Variants in BCL11A observed in about 807,000 individuals in gnomAD.
The protein encoded by BCL11A is BCL11 transcription factor A.
Under a neutral mutation model 55.9 loss-of-function variants are expected in BCL11A, and 2 were observed. The ratio of observed to expected loss-of-function variants is 0.04; its 90% CI spans 0.01 to 0.11. The LOEUF is 0.11. BCL11A is among the 10% of genes least tolerant of loss of function. The pLI is 1.00. For synonymous variants in BCL11A, 465 were observed against 473.4 expected, an observed-to-expected ratio of 0.98 and a Z score of 0.23; for missense variants, 817 against 1,137.1, an observed-to-expected ratio of 0.72 and a Z score of 4.05.
At chr2:60,456,633 TAAACA>T (rs553242315), downstream of BCL11A, among the ~76,000 whole-genome samples, 355 of 152,264 alleles carry the variant, frequency 2.3e-3, 1 homozygote, top group African/African-American at 7.7e-3. Flanking sequence ...CCCTCTTTTT[TAAACA>T]AAACAAAACA....
chr2:60,486,024 C>A (rs772098189), intron 2 of BCL11A, among the ~76,000 whole-genome samples: 1 of 151,944 alleles, frequency 6.6e-6, no homozygotes, highest in African/African-American at 2.4e-5. Flanking sequence ...CAAAAAAAAT[C>A]TTTTTAGTAT....
downstream of BCL11A, among the ~76,000 whole-genome samples, chr2:60,455,994 A>G (rs1675918908): frequency 6.6e-6 from 1 of 152,130 alleles, no homozygotes; most frequent in Non-Finnish European, 1.5e-5. Context: ...CCTCCTATGT[A>G]ATATTCTCCA....
intron 2 of BCL11A, chr2:60,533,096 T>C (rs1234683108): frequency 6.6e-6 from 1 of 152,212 alleles, no homozygotes; most frequent in African/African-American, 2.4e-5. Flanking sequence ...TACCATTATG[T>C]TTCAATGTAA....
intron 2 of BCL11A, among the ~76,000 whole-genome samples, chr2:60,470,677 T>C (rs952119781): frequency 2.6e-5 from 4 of 152,222 alleles, no homozygotes; most frequent in Admixed American, 2.6e-4. Flanking sequence ...GAATCTCTTG[T>C]TGGCAAACTT....
rs1558618262 is a variant in BCL11A, at chr2:60,467,149, G to GATGGTGGTGGTA, written c.487+1582_487+1583insTACCACCACCAT. ...TGGTGATGGTGGTGTTGGTGGTGATGGTGGTGGTGGTGGTGGTGATGGTGG... is the reference window on the plus strand; with the variant it reads ...TGGTGATGGTGGTGTTGGTGGTGATGATGGTGGTGGTAGTGGTGGTGGTGGTGGTGATGGTGG... On this transcript the variant is annotated intron_variant, in intron 3 of 3. Transcript: ENST00000642384. Among the ~76,000 whole-genome samples, 274 of 129,642 alleles carry GATGGTGGTGGTA rather than the reference G, an allele frequency of 2.1e-3. 4 individuals are homozygous for GATGGTGGTGGTA. The highest frequency in any genetic ancestry group is 3.6e-3 in the Middle Eastern group (1 of 278). The allele number at this position is 129,642 out of a possible 152,430, so 85.1% of individuals were successfully genotyped here.
At chr2:60,509,855 G>A (rs1679884701) in intron 2 of BCL11A, among the ~76,000 whole-genome samples, 3 of 151,996 alleles carry the variant, frequency 2.0e-5, no homozygotes, top group Non-Finnish European at 2.9e-5. Flanking sequence ...AGTGGTGAAG[G>A]AGCCCCAGAC....
At chr2:60,481,670 C>A (rs183409621) in intron 2 of BCL11A, among the ~76,000 whole-genome samples, 3 of 152,200 alleles carry the variant, frequency 2.0e-5, no homozygotes, top group Admixed American at 6.5e-5. Flanking sequence ...CGCTCCACCC[C>A]CTACATCTTT....
intron 2 of BCL11A, chr2:60,537,993 C>T (rs564028403): frequency 6.6e-6 from 1 of 152,304 alleles, no homozygotes; most frequent in South Asian, 2.1e-4. Context: ...AACAAAAACT[C>T]ATTGTGAGTG....
intron 2 of BCL11A, among the ~76,000 whole-genome samples, chr2:60,520,121 G>C (rs1668912894): frequency 6.6e-6 from 1 of 152,144 alleles, no homozygotes; most frequent in South Asian, 2.1e-4. Flanking sequence ...AATTCAGAAA[G>C]CCAAAGATAA....
intron 2 of BCL11A, among the ~76,000 whole-genome samples, chr2:60,502,235 T>C (rs1375602078): frequency 6.6e-6 from 1 of 152,256 alleles, no homozygotes; most frequent in East Asian, 1.9e-4. Flanking sequence ...TTTATGATCC[T>C]GCTTTGTAAA....
At chr2:60,456,700 T>C (rs1178098992), downstream of BCL11A, among the ~76,000 whole-genome samples, 1 of 152,088 alleles carries the variant, frequency 6.6e-6, no homozygotes, top group Non-Finnish European at 1.5e-5. Flanking sequence ...ATTTCAAAAG[T>C]GGGGTTATTT....
Position 60,546,231 on chromosome 2 carries a change from T to A in BCL11A, c.125A>T (p.Asp42Val), listed in dbSNP as rs1327205294. 6.8e-6 allele frequency: 11 copies of A among 1,614,166 alleles called. No individual in the cohort carries two copies. The highest frequency in any genetic ancestry group is 9.3e-6 in the Non-Finnish European group (11 of 1,180,024). ...CTGCCCACAGGTGAGGAGGTCATGA[T>A]CCCCTTCTGGAGCTCCCAACGGGCC... ...DHGPLGAPEG[D>V]HDLLTCGQCQ... Residue 42 changes from aspartate to valine, a missense_variant, in exon 2 of 4, where the codon GAT becomes GTT. Coordinates refer to ENST00000642384, the MANE Select transcript of BCL11A (RefSeq NM_022893.4). The surrounding 1 kb of genome is among the most constrained non-coding windows in gnomAD (Gnocchi z 4.1).
At chr2:60,464,099 C>T (rs1464365106) in intron 3 of BCL11A, among the ~76,000 whole-genome samples, 2 of 152,208 alleles carry the variant, frequency 1.3e-5, no homozygotes, top group Non-Finnish European at 2.9e-5. Flanking sequence ...AAATAATGGA[C>T]TCCTGCCCTG....
At chr2:60,551,145 T>C (rs1248654807) in intron 1 of BCL11A, among the ~76,000 whole-genome samples, 1 of 152,160 alleles carries the variant, frequency 6.6e-6, no homozygotes, top group Admixed American at 6.5e-5. Flanking sequence ...GCATCAAAAA[T>C]TTAAAGTAAG....
At chr2:60,550,855 T>C (rs1435191754) in intron 1 of BCL11A, 4 of 398,398 alleles carry the variant, frequency 1.0e-5, no homozygotes, top group Non-Finnish European at 1.8e-5. Flanking sequence ...CTGCCCTTCC[T>C]TCCCGCCGGT....
At chr2:60,467,150 G>GTGA (rs1676695900) in intron 3 of BCL11A, among the ~76,000 whole-genome samples, 5 of 97,072 alleles carry the variant, frequency 5.2e-5, no homozygotes, top group Non-Finnish European at 1.0e-4. Flanking sequence ...GGTGGTGATG[G>GTGA]TGGTGGTGGT....
chr2:60,504,559 C>T (rs1183636334), intron 2 of BCL11A, among the ~76,000 whole-genome samples: 1 of 152,160 alleles, frequency 6.6e-6, no homozygotes, highest in Admixed American at 6.5e-5. Context: ...AAAATAATCT[C>T]CAAGGCAAAA....
chr2:60,546,381 C>T lies in BCL11A; in HGVS notation c.56-81G>A. On this transcript the variant is annotated intron_variant, in intron 1 of 3. Transcript: ENST00000642384. This position sits in a 1 kb window ranked among gnomAD's most constrained non-coding sequence, Gnocchi z 4.1. ...GGAGAAGCACATCTCAACCCCATGC[C>T]ATCCCACCACATCATGTAAAGTGTT... 1 of 1,108,702 alleles carries T rather than the reference C, an allele frequency of 9.0e-7. No individual in the cohort carries two copies. Among genetic ancestry groups the T allele is most frequent in the South Asian group, 1.5e-5 (1 of 66,414 alleles). The allele number at this position is 1,108,702 out of a possible 1,614,324, so 68.7% of individuals were successfully genotyped here.
intron 2 of BCL11A, chr2:60,534,439 T>C (rs988508141): frequency 3.9e-5 from 6 of 152,250 alleles, no homozygotes; most frequent in African/African-American, 1.4e-4. Flanking sequence ...ACCTGATGTC[T>C]TAATACACTA....
Sources: gnomAD v4.1 joint callset for allele counts (sites outside exome capture counted in the v4.1 genomes callset) on GRCh38, gnomAD v4.1.1 for gene constraint, Gnocchi (gnomAD v3.1) non-coding constraint, MANE v1.5 for transcripts, NCBI Gene and HGNC (gene_info 2026-07-23, HGNC 2026-07-21) for gene names.